Variants in TCF7L2 observed in about 807,000 individuals in gnomAD.
TCF7L2 encodes the protein transcription factor 7-like 2.
In TCF7L2, 23 loss-of-function variants were observed where a neutral mutation model predicts 77.9. That is an observed-to-expected ratio of 0.30 (90% CI 0.21 to 0.42). The LOEUF is 0.42. TCF7L2 is among the 10% of genes least tolerant of loss of function. The probability of loss-of-function intolerance (pLI) is 1.00; values close to 1 mark genes in which losing one functional copy is unlikely to be tolerated. For synonymous variants in TCF7L2, 413 were observed against 340.2 expected, an observed-to-expected ratio of 1.21 and a Z score of -2.36; for missense variants, 654 against 793.1, an observed-to-expected ratio of 0.82 and a Z score of 2.11.
chr10:112,970,321 G>A (rs2037960017), intron 4 of TCF7L2, among the ~76,000 whole-genome samples: 1 of 151,698 alleles, frequency 6.6e-6, no homozygotes, highest in Non-Finnish European at 1.5e-5. Flanking sequence ...TCTTATGCTT[G>A]CAAGTTCCCA....
intron 5 of TCF7L2, among the ~76,000 whole-genome samples, chr10:113,099,821 C>G (rs1263315546): frequency 6.6e-6 from 1 of 151,636 alleles, no homozygotes; most frequent in African/African-American, 2.4e-5. Flanking sequence ...GAAGTGGGAG[C>G]AGTGACCCTG....
chr10:113,052,213 T>C (rs1241181675), intron 5 of TCF7L2, among the ~76,000 whole-genome samples: 1 of 151,854 alleles, frequency 6.6e-6, no homozygotes, highest in Non-Finnish European at 1.5e-5. Flanking sequence ...GAGTGCAGGG[T>C]TTGTACTTGG....
intron 5 of TCF7L2, among the ~76,000 whole-genome samples, chr10:113,068,622 C>T (rs867393025): frequency 2.8e-4 from 43 of 152,250 alleles, no homozygotes; most frequent in African/African-American, 1.0e-3. Context: ...GAGGCCCAGA[C>T]GTGGAGCACT....
chr10:113,145,966 C>G (rs1250301805), intron 7 of TCF7L2, 45 bp from the exon 8 acceptor site: 2 of 1,204,514 alleles, frequency 1.7e-6, no homozygotes, highest in South Asian at 1.3e-5. Context: ...TGTCCCCACC[C>G]CCACCCTTGT....
chr10:113,036,884 T>G (rs993438135), intron 4 of TCF7L2, among the ~76,000 whole-genome samples: 9 of 152,076 alleles, frequency 5.9e-5, no homozygotes. Context: ...GGGAACTTTT[T>G]TTTTCCCTCC....
chr10:113,092,822 C>A (rs1462942233), intron 5 of TCF7L2, among the ~76,000 whole-genome samples: 1 of 152,176 alleles, frequency 6.6e-6, no homozygotes, highest in Non-Finnish European at 1.5e-5. Context: ...CAAGATAGCA[C>A]CACTGCTGTC....
At chr10:112,979,773 A>G in intron 4 of TCF7L2, among the ~76,000 whole-genome samples, 1 of 151,984 alleles carries the variant, frequency 6.6e-6, no homozygotes, top group East Asian at 1.9e-4. Flanking sequence ...AATAAAAAAA[A>G]TAAAAAAAAT....
Position 113,165,842 on chromosome 10 carries a change from C to T in TCF7L2, c.1679C>T (p.Pro560Leu), listed in dbSNP as rs749702260. Residue 560 changes from proline (P) to leucine (L), a missense_variant, in exon 14 of 14, where the codon CCA becomes CTA. Physicochemically the swap from Pro to Leu is moderately conservative, Grantham distance 98. Around this residue, in one of 6 missense-constraint regions of TCF7L2, gnomAD observed 272 missense variants for 215.4 expected, o/e 1.26. Coordinates refer to ENST00000627217, the MANE Select transcript of TCF7L2 (RefSeq NM_001146274.2). ...CCCAACGGGGCCCTGGACCTGCCCC[C>T]AGCCGCTTTGCAGCCTGCCGCCCCC... is the stretch of plus-strand genomic sequence containing the variant. 1.9e-6 allele frequency: 3 copies of T among 1,607,720 alleles called. No individual in the cohort carries two copies. In the East Asian group the frequency reaches 6.7e-5, roughly 36 times the overall value.
intron 5 of TCF7L2, among the ~76,000 whole-genome samples, chr10:113,040,864 T>G (rs1184996971): frequency 6.6e-6 from 1 of 152,338 alleles, no homozygotes; most frequent in East Asian, 1.9e-4. Flanking sequence ...TTCTATGTAT[T>G]TATATCATGA....
chr10:113,124,103 G>C (rs898609862), intron 5 of TCF7L2, among the ~76,000 whole-genome samples: 2 of 152,162 alleles, frequency 1.3e-5, no homozygotes, highest in African/African-American at 2.4e-5. Flanking sequence ...TATGGCAGGA[G>C]GGGATTTGGA....
At chr10:112,994,865 T>A (rs1242752438) in intron 4 of TCF7L2, among the ~76,000 whole-genome samples, 1 of 151,884 alleles carries the variant, frequency 6.6e-6, no homozygotes, top group Non-Finnish European at 1.5e-5. Flanking sequence ...TTTGGGAGAC[T>A]GAGGCGAGCA....
At chr10:113,115,945 A>C (rs926586352) in intron 5 of TCF7L2, among the ~76,000 whole-genome samples, 6 of 152,158 alleles carry the variant, frequency 3.9e-5, no homozygotes, top group African/African-American at 1.4e-4. Flanking sequence ...AAACAATATG[A>C]AGATGTGTAT....
At chr10:113,008,018 A>G (rs1257225817) in intron 4 of TCF7L2, among the ~76,000 whole-genome samples, 1 of 152,178 alleles carries the variant, frequency 6.6e-6, no homozygotes, top group African/African-American at 2.4e-5. Flanking sequence ...CAGCGATGAG[A>G]GGGCCTCAGG....
chr10:113,108,741 G>A (rs1284070065), intron 5 of TCF7L2, among the ~76,000 whole-genome samples: 1 of 152,176 alleles, frequency 6.6e-6, no homozygotes, highest in Non-Finnish European at 1.5e-5. Flanking sequence ...TGCCTGCCCT[G>A]GTCGTGGCCG....
intron 4 of TCF7L2, among the ~76,000 whole-genome samples, chr10:113,008,107 A>G (rs1435918930): frequency 2.6e-5 from 4 of 152,128 alleles, no homozygotes; most frequent in Admixed American, 6.5e-5. Flanking sequence ...TCTCTTGCTG[A>G]GCTTTGCAGA....
chr10:112,973,376 G>A (rs2134973493), intron 4 of TCF7L2, among the ~76,000 whole-genome samples: 1 of 152,268 alleles, frequency 6.6e-6, no homozygotes, highest in South Asian at 2.1e-4. Flanking sequence ...CCCAGGCCCT[G>A]CCCTAGACCA....
rs1393052799 is a variant in TCF7L2, at chr10:113,151,273, A to T, written c.1001+150A>T. ...GCCTGTGTGGGCTCTTCACTCCCTT[A>T]CAAAGAGAGAGAGAGTGCACAGTGG... is the stretch of plus-strand genomic sequence containing the variant. On this transcript the variant is annotated intron_variant, in intron 9 of 13. Transcript: ENST00000627217. The surrounding 1 kb of genome is among the most constrained non-coding windows in gnomAD (Gnocchi z 5.2). The T allele has an allele frequency of 1.9e-6, 2 of 1,038,478 alleles. No homozygotes were observed. The highest frequency in any genetic ancestry group is 2.8e-6 in the Non-Finnish European group (2 of 711,568). 64.3% of individuals were successfully genotyped at this position (1,038,478 alleles called of 1,614,324 possible).
chr10:113,119,251 A>AT (rs1459348353), intron 5 of TCF7L2, among the ~76,000 whole-genome samples: 4 of 152,160 alleles, frequency 2.6e-5, no homozygotes, highest in East Asian at 1.9e-4. Context: ...TCCTAATCTC[A>AT]TTTTTCCCCC....
intron 4 of TCF7L2, among the ~76,000 whole-genome samples, chr10:112,994,980 A>G (rs553527587): frequency 3.5e-4 from 54 of 152,212 alleles, no homozygotes; most frequent in African/African-American, 1.3e-3. Flanking sequence ...GGCGCCTGTA[A>G]TCCCAGCTAC....
Sources: allele counts gnomAD v4.1 joint callset (sites outside exome capture counted in the v4.1 genomes callset), GRCh38; gene constraint gnomAD v4.1.1; regional missense constraint gnomAD v4.1.1; non-coding constraint Gnocchi (gnomAD v3.1); transcripts MANE v1.5; gene names NCBI Gene and HGNC (gene_info 2026-07-23, HGNC 2026-07-21).